The following EPS15L1 variants were observed in gnomAD, a reference collection of about 807,000 sequenced individuals.
EPS15L1 encodes the protein epidermal growth factor receptor substrate 15-like 1.
A neutral mutation model predicts 117.1 loss-of-function variants in EPS15L1; 43 were observed. The ratio of observed to expected loss-of-function variants is 0.37; its 90% CI spans 0.29 to 0.47. The LOEUF is 0.47. Ranked by LOEUF, EPS15L1 falls within the 20% of genes least tolerant of loss-of-function variation. The pLI is 0.99. For synonymous variants in EPS15L1, 459 were observed against 470.5 expected (o/e 0.98, Z 0.32); for missense variants, 981 against 1,164.0 (o/e 0.84, Z 2.29).
chr19:16,366,794 A>G (rs1314204998), intron 22 of EPS15L1, among the ~76,000 whole-genome samples: 1 of 152,204 alleles, frequency 6.6e-6, no homozygotes, highest in Admixed American at 6.5e-5. Context: ...AGCCCCCGGC[A>G]TCACTGTAGG....
chr19:16,461,402 C>T (rs1460628391), intron 1 of EPS15L1, among the ~76,000 whole-genome samples: 4 of 151,822 alleles, frequency 2.6e-5, no homozygotes, highest in African/African-American at 4.8e-5. Context: ...AGGTGGATCG[C>T]TTTGAGCTCA....
rs1207163303 is a variant in EPS15L1 at position 16,425,164 on chromosome 19, G to A, written c.711C>T (p.Arg237=). The part of the protein sequence containing the change: ...PASPPPKDSL[R]STPSHGSVSS... Reference sequence around the variant, plus strand: ...TGACGCTGCCGTGGGACGGCGTGGAGCGGAGGCTGTCTTTTGGTGGGGGGC... The same window carrying A: ...TGACGCTGCCGTGGGACGGCGTGGAACGGAGGCTGTCTTTTGGTGGGGGGC... Residue 237 remains arginine (R), a synonymous_variant, in exon 9 of 24, where the codon CGC becomes CGT. Transcript: ENST00000455140. The A allele has an allele frequency of 1.2e-6, 2 of 1,613,890 alleles. No homozygotes were observed. The highest frequency in any genetic ancestry group is 1.7e-6 in the Non-Finnish European group (2 of 1,179,822).
chr19:16,420,595 C>T lies in EPS15L1; in HGVS notation c.950+724G>A, dbSNP rs532361882. ...TCATTTCCCCCAAGCCACTAAGTAA[C>T]ATCCTGAATTTCACTGCTCTACTTG... On this transcript the variant is annotated intron_variant, in intron 10 of 23. Coordinates refer to ENST00000455140, the MANE Select transcript of EPS15L1 (RefSeq NM_001258374.3). Among the ~76,000 whole-genome samples, 5 of 152,344 alleles carry T rather than the reference C, an allele frequency of 3.3e-5. No individual in the cohort carries two copies. The South Asian group carries it at 1.0e-3, about 32-fold the overall frequency.
chr19:16,391,738 T>G (rs2092477297), intron 19 of EPS15L1, among the ~76,000 whole-genome samples: 1 of 151,558 alleles, frequency 6.6e-6, no homozygotes. Flanking sequence ...AGTACAGGTA[T>G]GCTGGAGTTG....
chr19:16,367,217 A>G (rs1447671221), intron 22 of EPS15L1, among the ~76,000 whole-genome samples: 1 of 151,442 alleles, frequency 6.6e-6, no homozygotes, highest in African/African-American at 2.4e-5. Context: ...GATGCCATCA[A>G]TCCTAGATAT....
chr19:16,438,338 A>G (rs779057844), intron 4 of EPS15L1, among the ~76,000 whole-genome samples: 2 of 152,042 alleles, frequency 1.3e-5, no homozygotes, highest in African/African-American at 4.8e-5. Flanking sequence ...GGGCAAAAAG[A>G]GCAAAACTCC....
chr19:16,442,228 G>T lies in EPS15L1; in HGVS notation c.34-9C>A, dbSNP rs757627929. The T allele has an allele frequency of 1.9e-6, 3 of 1,612,828 alleles. No individual in the cohort carries two copies. The South Asian group carries it at 3.3e-5, about 18-fold the overall frequency. ...GAATTTCCAGTGGGAATCTGTAAAT[G>T]AAACCACAGATATTGGTCAAAAGTG... On this transcript the variant is annotated splice_polypyrimidine_tract_variant and intron_variant, in intron 1 of 23. Transcript: ENST00000455140.
Position 16,370,570 on chromosome 19 carries a change from C to T in EPS15L1, c.2380+6552G>A, listed in dbSNP as rs2092208611. Among the ~76,000 whole-genome samples, 1 of 152,180 alleles carries T rather than the reference C, an allele frequency of 6.6e-6. No individual in the cohort carries two copies. Among genetic ancestry groups the T allele is most frequent in the Non-Finnish European group, 1.5e-5 (1 of 68,036 alleles). On this transcript the variant is annotated intron_variant, in intron 22 of 23. Transcript: ENST00000455140. The surrounding 1 kb of genome is among the most constrained non-coding windows in gnomAD (Gnocchi z 5.2). ...CTCAGCATTTGCACCCCACTGAACA[C>T]CAGATGATAATCGAGTCACACGACA...
At chr19:16,464,722 C>T (rs1236747832) in intron 1 of EPS15L1, among the ~76,000 whole-genome samples, 1 of 110,156 alleles carries the variant, frequency 9.1e-6, no homozygotes, top group Non-Finnish European at 2.0e-5. Context: ...TTGGGCCACA[C>T]ATAAAATACA....
intron 6 of EPS15L1, among the ~76,000 whole-genome samples, chr19:16,436,188 G>A (rs145568283): frequency 2.0e-5 from 3 of 152,330 alleles, no homozygotes; most frequent in African/African-American, 7.2e-5. Context: ...GTAAACATGG[G>A]ACGAAAGTGC....
At chr19:16,407,718 A>ATT (rs1002648650) in intron 13 of EPS15L1, among the ~76,000 whole-genome samples, 2 of 152,060 alleles carry the variant, frequency 1.3e-5, no homozygotes, top group African/African-American at 4.8e-5. Context: ...TTGCTGGGTA[A>ATT]TTTTTTGCAC....
At chr19:16,425,037 C>G in intron 9 of EPS15L1, 46 bp downstream of exon 9, 1 of 1,472,146 alleles carries the variant, frequency 6.8e-7, no homozygotes, top group Non-Finnish European at 9.5e-7. Flanking sequence ...CGAGAAACAT[C>G]CTACTGTGCT....
chr19:16,410,163 C>T (rs971228920), intron 13 of EPS15L1, among the ~76,000 whole-genome samples: 1 of 150,306 alleles, frequency 6.7e-6, no homozygotes, highest in East Asian at 1.9e-4. Flanking sequence ...ATTTAAAAAT[C>T]GGCAAGAAAA....
chr19:16,400,625 C>T, intron 16 of EPS15L1: 1 of 984,738 alleles, frequency 1.0e-6, no homozygotes. Flanking sequence ...AGAAACAAGC[C>T]AGAAAAATGC....
chr19:16,470,243 C>T (rs1211890309), intron 1 of EPS15L1, among the ~76,000 whole-genome samples: 2 of 152,054 alleles, frequency 1.3e-5, no homozygotes, highest in African/African-American at 2.4e-5. Context: ...AAAAATTAGC[C>T]GGGTGTGGTA....
chr19:16,434,589 C>A, intron 6 of EPS15L1, 99 bp from the exon 7 acceptor site: 3 of 1,267,344 alleles, frequency 2.4e-6, no homozygotes, highest in South Asian at 1.4e-5. Context: ...GGCCACGGAC[C>A]CATCATCACC....
intron 18 of EPS15L1, among the ~76,000 whole-genome samples, chr19:16,393,565 C>T (rs561422080): frequency 4.0e-5 from 6 of 150,092 alleles, no homozygotes; most frequent in East Asian, 1.9e-4. Context: ...AGGAGAATGG[C>T]GTGAACCCGG....
chr19:16,440,696 T>C (rs1218553574), intron 4 of EPS15L1, 166 bp downstream of exon 4: 2 of 567,298 alleles, frequency 3.5e-6, no homozygotes, highest in Non-Finnish European at 6.4e-6. Flanking sequence ...TCCAAGTGTT[T>C]AAAAGACCTT....
At chr19:16,455,904 A>C (rs1184167510) in intron 1 of EPS15L1, among the ~76,000 whole-genome samples, 2 of 152,124 alleles carry the variant, frequency 1.3e-5, no homozygotes, top group African/African-American at 4.8e-5. Context: ...CACCCTTCGC[A>C]TAAAACCTCC....
Sources: gnomAD v4.1 joint callset for allele counts (sites outside exome capture counted in the v4.1 genomes callset) on GRCh38, gnomAD v4.1.1 for gene constraint, Gnocchi (gnomAD v3.1) non-coding constraint, MANE v1.5 for transcripts, NCBI Gene and HGNC (gene_info 2026-07-23, HGNC 2026-07-21) for gene names.